Variants in FHOD3 observed in about 807,000 individuals in gnomAD.
FHOD3 encodes the protein FH1/FH2 domain-containing protein 3.
A neutral mutation model predicts 173.0 loss-of-function variants in FHOD3; 90 were observed. That is an observed-to-expected ratio of 0.52 (90% CI 0.44 to 0.62). FHOD3 has a LOEUF of 0.62. Among genes scored for constraint, FHOD3 ranks in the 20% least tolerant of loss-of-function variants. The probability of loss-of-function intolerance (pLI) is 0.00; values close to 1 mark genes in which losing one functional copy is unlikely to be tolerated. For missense variants in FHOD3, 1,945 were observed against 2,034.7 expected, an observed-to-expected ratio of 0.96 and a Z score of 0.85; for synonymous variants, 828 against 823.0, an observed-to-expected ratio of 1.01 and a Z score of -0.10.
At chr18:36,669,577 G>T (rs183637969) in intron 14 of FHOD3, among the ~76,000 whole-genome samples, 26 of 151,758 alleles carry the variant, frequency 1.7e-4, no homozygotes, top group Non-Finnish European at 3.7e-4. Context: ...TGATTGCATT[G>T]GGGTTTATAG....
chr18:36,318,624 G>A (rs1373773004), intron 1 of FHOD3, among the ~76,000 whole-genome samples: 2 of 152,150 alleles, frequency 1.3e-5, no homozygotes, highest in African/African-American at 4.8e-5. Context: ...AGGAGATTTT[G>A]GGCTGAGATG....
At chr18:36,302,306 G>A (rs564397134) in intron 1 of FHOD3, among the ~76,000 whole-genome samples, 31 of 152,314 alleles carry the variant, frequency 2.0e-4, no homozygotes, top group African/African-American at 7.2e-4. Context: ...GCTGATTGCA[G>A]TGAGGATAGA....
intron 15 of FHOD3, among the ~76,000 whole-genome samples, chr18:36,682,870 T>C (rs1356245250): frequency 2.0e-5 from 3 of 152,218 alleles, no homozygotes; most frequent in Non-Finnish European, 4.4e-5. Context: ...TAAGCCACCA[T>C]GCCCAGCCAA....
intron 10 of FHOD3, among the ~76,000 whole-genome samples, chr18:36,638,096 C>T (rs2035021735): frequency 6.6e-6 from 1 of 152,062 alleles, no homozygotes; most frequent in Admixed American, 6.5e-5. Flanking sequence ...AGCATACTTC[C>T]TTTCTCAAAG....
chr18:36,398,157 A>G (rs1343432484), intron 3 of FHOD3, among the ~76,000 whole-genome samples: 1 of 152,226 alleles, frequency 6.6e-6, no homozygotes, highest in African/African-American at 2.4e-5. Context: ...ATATGCAGGA[A>G]GTTAAAAGGA....
chr18:36,752,854 C>T (rs1452625355), intron 24 of FHOD3, among the ~76,000 whole-genome samples: 1 of 152,146 alleles, frequency 6.6e-6, no homozygotes, highest in Non-Finnish European at 1.5e-5. Context: ...AAGTGGTTAG[C>T]TAGCTGCAGG....
At chr18:36,696,021 C>G (rs2039261944) in intron 17 of FHOD3, among the ~76,000 whole-genome samples, 1 of 152,212 alleles carries the variant, frequency 6.6e-6, no homozygotes, top group Admixed American at 6.5e-5. Context: ...CTTTTTCACT[C>G]TTTATCCTTG....
intron 4 of FHOD3, among the ~76,000 whole-genome samples, chr18:36,511,201 G>T (rs185593395): frequency 6.6e-6 from 1 of 152,104 alleles, no homozygotes; most frequent in Admixed American, 6.5e-5. Flanking sequence ...GAATGTTTCA[G>T]CTTTATCCTA....
chr18:36,693,369 CAA>C lies in FHOD3; in HGVS notation c.2183_2184del (p.Gln728ArgfsTer24). On this transcript the variant is annotated frameshift_variant, in exon 17 of 29. Coordinates refer to ENST00000590592, the MANE Select transcript of FHOD3 (RefSeq NM_001281740.3). LOFTEE classifies it high-confidence loss of function. ...LSHSPSSSDS[Q>X]EALTVSASSP... ...CCATAGCCCCTCATCTTCAGACTCT[CAA>C]GAGGCTCTCACGGTGTCTGCCTCCT... 1 of 1,613,926 alleles carries C rather than the reference CAA, an allele frequency of 6.2e-7. No individual in the cohort carries two copies.
At chr18:36,732,397 C>T (rs1205825230) in intron 20 of FHOD3, among the ~76,000 whole-genome samples, 1 of 152,160 alleles carries the variant, frequency 6.6e-6, no homozygotes, top group East Asian at 1.9e-4. Flanking sequence ...ACATACACCC[C>T]CTGTTCCAGG....
intron 3 of FHOD3, among the ~76,000 whole-genome samples, chr18:36,493,433 C>T (rs142989385): frequency 6.6e-6 from 1 of 152,136 alleles, no homozygotes; most frequent in Non-Finnish European, 1.5e-5. Flanking sequence ...GTTCGTTTGT[C>T]ACGTGCCGCA....
intron 3 of FHOD3, among the ~76,000 whole-genome samples, chr18:36,433,408 C>G (rs572673031): frequency 1.3e-5 from 2 of 152,286 alleles, no homozygotes; most frequent in Non-Finnish European, 1.5e-5. Flanking sequence ...TCACTTAGTA[C>G]TTTATTATGA....
At chr18:36,349,009 A>C (rs958437304) in intron 1 of FHOD3, among the ~76,000 whole-genome samples, 2 of 152,200 alleles carry the variant, frequency 1.3e-5, no homozygotes, top group African/African-American at 4.8e-5. Context: ...GTAAAGTCAG[A>C]ACCCTAAAGT....
chr18:36,593,123 T>A (rs2059282565), intron 6 of FHOD3, among the ~76,000 whole-genome samples: 2 of 152,132 alleles, frequency 1.3e-5, no homozygotes, highest in Non-Finnish European at 2.9e-5. Context: ...GAGGAAGTTG[T>A]TTTTGGAGAG....
chr18:36,700,933 C>T (rs367808907), intron 17 of FHOD3, among the ~76,000 whole-genome samples: 3 of 152,310 alleles, frequency 2.0e-5, no homozygotes, highest in East Asian at 1.9e-4. Flanking sequence ...TCTCTAAAGC[C>T]GCCCTTGATC....
chr18:36,466,971 G>A (rs1568309894), intron 3 of FHOD3, among the ~76,000 whole-genome samples: 1 of 152,046 alleles, frequency 6.6e-6, no homozygotes, highest in African/African-American at 2.4e-5. Context: ...CCCTTTAAGG[G>A]ACCCTAGATT....
intron 7 of FHOD3, among the ~76,000 whole-genome samples, chr18:36,597,249 T>C (rs2030591489): frequency 6.6e-6 from 1 of 152,118 alleles, no homozygotes; most frequent in Non-Finnish European, 1.5e-5. Context: ...CCCAGGCCTT[T>C]GTGTATCATA....
rs184357424 is a variant in FHOD3, at chr18:36,371,415, T to A, written c.273-1265T>A. ...AGGAAGAGCAAAGGCACATCTTACATGGTGGCAGGCAAGAGAGTGTGTGCA... is the reference window on the plus strand; with the variant it reads ...AGGAAGAGCAAAGGCACATCTTACAAGGTGGCAGGCAAGAGAGTGTGTGCA... On this transcript the variant is annotated intron_variant, in intron 2 of 28. Transcript: ENST00000590592. Among the ~76,000 whole-genome samples, 51 of 152,294 alleles carry A rather than the reference T, an allele frequency of 3.3e-4. 1 individual carries two copies. The highest frequency in any genetic ancestry group is 1.2e-3 in the African/African-American group (50 of 41,568).
intron 5 of FHOD3, among the ~76,000 whole-genome samples, chr18:36,573,198 G>A (rs1247895825): frequency 4.1e-5 from 6 of 148,048 alleles, no homozygotes; most frequent in South Asian, 2.1e-4. Flanking sequence ...AGAAGTAATC[G>A]ATGCTCATGT....
Sources: allele counts gnomAD v4.1 joint callset (sites outside exome capture counted in the v4.1 genomes callset), GRCh38; gene constraint gnomAD v4.1.1; transcripts MANE v1.5; gene names NCBI Gene and HGNC (gene_info 2026-07-23, HGNC 2026-07-21).